PPIL3: variants seen among roughly 807,000 people sequenced by gnomAD.
The protein encoded by PPIL3 is peptidyl-prolyl cis-trans isomerase-like 3.
PPIL3 carries 13 observed loss-of-function variants against 20.9 expected under a neutral mutation model. The ratio of observed to expected loss-of-function variants is 0.62; its 90% CI spans 0.40 to 0.99. The LOEUF is 0.99. Among genes scored for constraint, PPIL3 ranks in the 50% least tolerant of loss-of-function variants. PPIL3 has a pLI of 0.00. For synonymous variants in PPIL3, 71 were observed against 64.4 expected (o/e 1.10, Z -0.49); for missense variants, 170 against 195.2 (o/e 0.87, Z 0.77).
rs201456460 is a variant in PPIL3 at position 200,871,482 on chromosome 2, C to T, written c.399G>A (p.Lys133=). ...GGTATGTCTTCTCATTTACTGGCAA[C>T]TTCTCCAACTCATCTAGAGTTTCCA... is the stretch of plus-strand genomic sequence containing the variant. ...DGLETLDELE[K]LPVNEKTYRP... The change falls in exon 7 of 7, where the codon AAG becomes AAA. Residue 133 remains lysine, a synonymous_variant. Transcript: ENST00000392283. The T allele has an allele frequency of 3.0e-4, 476 of 1,612,580 alleles. 1 individual carries two copies. The highest frequency in any genetic ancestry group is 1.7e-3 in the Admixed American group (99 of 59,976).
chr2:200,888,912 C>G (rs966368411), intron 1 of PPIL3, 44 bp downstream of exon 1: 2 of 471,182 alleles, frequency 4.2e-6, no homozygotes, highest in South Asian at 3.1e-5. Flanking sequence ...ACTCAGCAAG[C>G]ATTCGAATAA....
chr2:200,883,112 CTTTT>C (rs1289951586), intron 3 of PPIL3, among the ~76,000 whole-genome samples: 1 of 108,820 alleles, frequency 9.2e-6, no homozygotes, highest in Non-Finnish European at 1.8e-5. Context: ...CTGGAATGTT[CTTTT>C]TTTTTTTTTT....
intron 2 of PPIL3, 95 bp downstream of exon 2, chr2:200,887,518 C>A: frequency 1.2e-6 from 1 of 845,174 alleles, no homozygotes; most frequent in Non-Finnish European, 1.9e-6. Flanking sequence ...CTCCATCTTG[C>A]CACTGCAATT....
intron 6 of PPIL3, among the ~76,000 whole-genome samples, chr2:200,873,051 T>C (rs914068251): frequency 3.3e-5 from 5 of 152,104 alleles, no homozygotes; most frequent in African/African-American, 1.2e-4. Context: ...TTTGTATTTT[T>C]AGTAGAGACG....
chr2:200,879,441 C>T (rs2105771225), intron 5 of PPIL3, among the ~76,000 whole-genome samples: 1 of 152,146 alleles, frequency 6.6e-6, no homozygotes, highest in South Asian at 2.1e-4. Context: ...CTTAACTCTG[C>T]CTGCAAAAGA....
At chr2:200,873,333 G>C (rs1021106170) in intron 6 of PPIL3, among the ~76,000 whole-genome samples, 1 of 151,744 alleles carries the variant, frequency 6.6e-6, no homozygotes, top group Non-Finnish European at 1.5e-5. Context: ...GGGACTACAG[G>C]CACATGCCCC....
intron 5 of PPIL3, 150 bp downstream of exon 5, chr2:200,881,270 TC>T: frequency 1.6e-6 from 1 of 613,598 alleles, no homozygotes. Context: ...TTCTCAAGTC[TC>T]CCCGACATCA....
chr2:200,878,178 G>A (rs192620955), intron 5 of PPIL3, among the ~76,000 whole-genome samples: 4 of 152,170 alleles, frequency 2.6e-5, no homozygotes, highest in Non-Finnish European at 5.9e-5. Context: ...CAAAAATATA[G>A]TTAATAAAAA....
chr2:200,872,406 G>A (rs2039338931), intron 6 of PPIL3, among the ~76,000 whole-genome samples: 1 of 151,930 alleles, frequency 6.6e-6, no homozygotes, highest in Non-Finnish European at 1.5e-5. Context: ...TTTTACGGAG[G>A]GCACATTAGG....
intron 3 of PPIL3, chr2:200,884,925 G>T (rs2039873587): frequency 6.6e-6 from 1 of 151,624 alleles, no homozygotes; most frequent in African/African-American, 2.4e-5. Context: ...AATTAGCTGG[G>T]CATGGTGGTG....
chr2:200,876,815 G>A (rs570140750), intron 6 of PPIL3, 104 bp downstream of exon 6: 153 of 899,868 alleles, frequency 1.7e-4, no homozygotes, highest in African/African-American at 2.5e-4. Flanking sequence ...GAGGCACTGC[G>A]CTCGGCCTCA....
chr2:200,888,779 G>A (rs2040075760), intron 1 of PPIL3, among the ~76,000 whole-genome samples, 177 bp downstream of exon 1: 2 of 152,104 alleles, frequency 1.3e-5, no homozygotes, highest in Admixed American at 6.5e-5. Context: ...GCCCGCCTCG[G>A]CCTCCCGAAG....
chr2:200,871,885 G>C (rs1304664423), intron 6 of PPIL3, among the ~76,000 whole-genome samples: 1 of 152,114 alleles, frequency 6.6e-6, no homozygotes, highest in East Asian at 1.9e-4. Flanking sequence ...CCAAATGTGT[G>C]GGTTTTCCCA....
intron 3 of PPIL3, among the ~76,000 whole-genome samples, chr2:200,883,883 C>T (rs1282718476): frequency 3.9e-5 from 6 of 152,178 alleles, no homozygotes; most frequent in Non-Finnish European, 5.9e-5. Flanking sequence ...CCACCTTGGC[C>T]TCCCTTGTAG....
intron 6 of PPIL3, among the ~76,000 whole-genome samples, chr2:200,876,143 G>GTTTTTTTTT (rs537988969): frequency 7.3e-6 from 1 of 137,898 alleles, no homozygotes. Flanking sequence ...TGTTTTTTTT[G>GTTTTTTTTT]TTTTTTTTTT....
upstream of PPIL3, chr2:200,889,084 CAA>C: frequency 4.3e-6 from 2 of 470,310 alleles, no homozygotes; most frequent in South Asian, 1.5e-5. Flanking sequence ...GCGCGGGACC[CAA>C]GAGAGAGAAC....
Position 200,871,243 on chromosome 2 carries a change from T to G in PPIL3, c.*152A>C. The stretch of plus-strand genomic sequence containing the variant: ...ATGCTCTAAGAATGGGGATAAAAGC[T>G]GTTGGGCGCCCCTTGGTACCACCAT... On this transcript the variant is annotated 3_prime_UTR_variant, in exon 7 of 7. Coordinates refer to ENST00000392283, the MANE Select transcript of PPIL3 (RefSeq NM_130906.3). 1 of 620,700 alleles carries G rather than the reference T, an allele frequency of 1.6e-6. No homozygotes were observed. 38.4% of individuals were successfully genotyped at this position (620,700 alleles called of 1,614,324 possible).
chr2:200,873,971 C>T (rs918775509), intron 6 of PPIL3, among the ~76,000 whole-genome samples: 21 of 151,496 alleles, frequency 1.4e-4, no homozygotes, highest in Middle Eastern at 3.4e-3. Flanking sequence ...TTTGGGAGGC[C>T]AAGGCGGGCG....
chr2:200,888,691 A>G (rs575268823), intron 1 of PPIL3: 19 of 310,788 alleles, frequency 6.1e-5, no homozygotes, highest in South Asian at 4.6e-4. Context: ...ATGCACGACT[A>G]ATTTTTGTAT....
Sources: allele counts gnomAD v4.1 joint callset (sites outside exome capture counted in the v4.1 genomes callset), GRCh38; gene constraint gnomAD v4.1.1; transcripts MANE v1.5; gene names NCBI Gene and HGNC (gene_info 2026-07-23, HGNC 2026-07-21).